The following HIVEP1 variants were observed in gnomAD, a reference collection of about 807,000 sequenced individuals.
HIVEP1 encodes the protein zinc finger protein 40.
Under a neutral mutation model 180.0 loss-of-function variants are expected in HIVEP1, and 36 were observed. The observed-to-expected ratio is 0.20, with a 90% CI of 0.15 to 0.26. The LOEUF (loss-of-function observed/expected upper bound fraction) is 0.26, where lower values mean the gene tolerates loss of function less well. Among genes scored for constraint, HIVEP1 ranks in the 10% least tolerant of loss-of-function variants. HIVEP1 has a pLI of 1.00. For synonymous variants in HIVEP1, 1,239 were observed against 1,239.0 expected (o/e 1.00, Z 0.00); for missense variants, 3,143 against 3,268.7 (o/e 0.96, Z 0.94).
chr6:12,100,446 A>G (rs776125180), intron 3 of HIVEP1, among the ~76,000 whole-genome samples: 1 of 152,212 alleles, frequency 6.6e-6, no homozygotes, highest in Non-Finnish European at 1.5e-5. Context: ...TTGCTTGGAA[A>G]AATCATTATC....
At chr6:12,208,922 C>T in the HIVEP1 span, among the ~76,000 whole-genome samples, 1 of 152,188 alleles carries the variant, frequency 6.6e-6, no homozygotes. Flanking sequence ...GTTTATGCAA[C>T]CTTTTCCTTC....
At chr6:12,168,348 T>C (rs1192178408), downstream of HIVEP1, among the ~76,000 whole-genome samples, 2 of 128,820 alleles carry the variant, frequency 1.6e-5, no homozygotes, top group East Asian at 4.5e-4. Context: ...TATATACATG[T>C]ATATGTATAT....
chr6:12,055,395 C>A (rs1000237400), intron 2 of HIVEP1, among the ~76,000 whole-genome samples: 3 of 152,132 alleles, frequency 2.0e-5, no homozygotes, highest in Non-Finnish European at 1.5e-5. Context: ...ACCCCTTGAA[C>A]TAGGAAGTCA....
intron 2 of HIVEP1, among the ~76,000 whole-genome samples, chr6:12,026,417 T>G (rs1470608465): frequency 2.6e-5 from 4 of 152,308 alleles, no homozygotes; most frequent in Non-Finnish European, 5.9e-5. Context: ...GCAGAGAAAG[T>G]AAGTTGTTTT....
At chr6:12,060,711 T>C (rs187191977) in intron 2 of HIVEP1, among the ~76,000 whole-genome samples, 1 of 152,284 alleles carries the variant, frequency 6.6e-6, no homozygotes, top group East Asian at 1.9e-4. Flanking sequence ...ATAATCATCT[T>C]TGGATTCTCA....
Position 12,164,989 on chromosome 6 carries a change from T to C in HIVEP1, c.*528T>C, listed in dbSNP as rs141545282. ...TGAAATGTTTCAGTAAAATATTGTTTACTGACTTTACCATTGCTTCAGTTG... is the reference window on the plus strand; with the variant it reads ...TGAAATGTTTCAGTAAAATATTGTTCACTGACTTTACCATTGCTTCAGTTG... On this transcript the variant is annotated 3_prime_UTR_variant, in exon 9 of 9. Transcript: ENST00000379388. 1.4e-4 allele frequency: 51 copies of C among 360,544 alleles called. No homozygotes were observed. The highest frequency in any genetic ancestry group is 2.5e-4 in the Non-Finnish European group (46 of 185,894). The allele number at this position is 360,544 out of a possible 1,614,324, so 22.3% of individuals were successfully genotyped here. A position where few individuals can be genotyped will look rare whatever the true frequency, so the allele number is the denominator to read the frequency against.
chr6:12,114,527 G>A (rs750296897), intron 3 of HIVEP1, among the ~76,000 whole-genome samples: 1 of 151,652 alleles, frequency 6.6e-6, no homozygotes, highest in Non-Finnish European at 1.5e-5. Flanking sequence ...ATTCTCTTTG[G>A]CTTATCATTT....
chr6:12,139,002 C>T (rs778906383), intron 7 of HIVEP1, among the ~76,000 whole-genome samples: 2 of 151,946 alleles, frequency 1.3e-5, no homozygotes, highest in Non-Finnish European at 2.9e-5. Context: ...CCACCCCAGC[C>T]ACATCCTCTC....
chr6:12,204,633 C>T, the HIVEP1 span, among the ~76,000 whole-genome samples: 1 of 152,150 alleles, frequency 6.6e-6, no homozygotes, highest in Non-Finnish European at 1.5e-5. Context: ...ACAGACCAGG[C>T]CTAGTAATAG....
intron 2 of HIVEP1, among the ~76,000 whole-genome samples, chr6:12,074,404 A>G (rs1267425451): frequency 6.6e-6 from 1 of 152,220 alleles, no homozygotes; most frequent in Non-Finnish European, 1.5e-5. Flanking sequence ...TACTAGTAAG[A>G]GCTATATTAC....
At chr6:12,150,221 C>T (rs527356574) in intron 7 of HIVEP1, among the ~76,000 whole-genome samples, 2 of 152,150 alleles carry the variant, frequency 1.3e-5, no homozygotes, top group Non-Finnish European at 2.9e-5. Context: ...TTCTCCTGTT[C>T]TTGGGGTATT....
At chr6:12,189,725 C>A in the HIVEP1 span, among the ~76,000 whole-genome samples, 4 of 152,228 alleles carry the variant, frequency 2.6e-5, no homozygotes, top group Middle Eastern at 6.8e-3. Context: ...CACTTTCTAT[C>A]AAACATGAAA....
chr6:12,180,468 T>TAA, the HIVEP1 span, among the ~76,000 whole-genome samples: 23 of 152,334 alleles, frequency 1.5e-4, no homozygotes, highest in South Asian at 4.8e-3. Context: ...AAAATGTATC[T>TAA]GTTTATACTA....
At chr6:12,179,921 T>C in the HIVEP1 span, among the ~76,000 whole-genome samples, 1 of 152,216 alleles carries the variant, frequency 6.6e-6, no homozygotes, top group Admixed American at 6.5e-5. Context: ...AAAATTAAGA[T>C]ATAAAACATG....
At chr6:12,079,177 T>C (rs909638896) in intron 2 of HIVEP1, among the ~76,000 whole-genome samples, 10 of 152,326 alleles carry the variant, frequency 6.6e-5, no homozygotes, top group Admixed American at 2.6e-4. Context: ...TATTTTGTTG[T>C]GATTATTAGA....
At chr6:12,098,397 A>AC (rs1392813792) in intron 3 of HIVEP1, among the ~76,000 whole-genome samples, 7 of 152,004 alleles carry the variant, frequency 4.6e-5, no homozygotes, top group Admixed American at 3.9e-4. Context: ...GGGGAGAAAA[A>AC]CCCAGGTTTT....
In HIVEP1 at chr6:12,130,898, G is replaced by A. The variant is rs1388269317; in HGVS notation, c.6341G>A (p.Arg2114His). ...CACATACGAACCCATACAGATGTCC[G>A]CCCCTACCACTGCACTTACTGTAAC... ...KKHIRTHTDV[R>H]PYHCTYCNFS... Residue 2114 changes from arginine to histidine, a missense_variant, in exon 6 of 9, where the codon CGC becomes CAC. This residue lies in a region of HIVEP1 where 126 missense variants were observed against 168.5 expected (regional missense o/e 0.75). Coordinates refer to ENST00000379388, the MANE Select transcript of HIVEP1 (RefSeq NM_002114.4). 8 of 1,612,162 alleles carry A rather than the reference G, an allele frequency of 5.0e-6. No individual in the cohort carries two copies. Among genetic ancestry groups the A allele is most frequent in the Non-Finnish European group, 5.1e-6 (6 of 1,178,632 alleles).
upstream of HIVEP1, among the ~76,000 whole-genome samples, chr6:12,009,358 T>G (rs1208979988): frequency 1.3e-5 from 2 of 152,116 alleles, no homozygotes; most frequent in African/African-American, 2.4e-5. Flanking sequence ...GTGTTGAGCT[T>G]TTCAGTGACA....
chr6:12,064,373 A>T (rs1189827609), intron 2 of HIVEP1, among the ~76,000 whole-genome samples: 1 of 152,136 alleles, frequency 6.6e-6, no homozygotes, highest in African/African-American at 2.4e-5. Flanking sequence ...CTGTTTTGGG[A>T]GCTATTTCAA....
Sources: allele counts gnomAD v4.1 joint callset (sites outside exome capture counted in the v4.1 genomes callset), GRCh38; gene constraint gnomAD v4.1.1; regional missense constraint gnomAD v4.1.1; transcripts MANE v1.5; gene names NCBI Gene and HGNC (gene_info 2026-07-23, HGNC 2026-07-21).